The following SLC24A2 variants were observed in gnomAD, a reference collection of about 807,000 sequenced individuals.
SLC24A2 encodes the protein solute carrier family 24 member 2, also known as sodium/potassium/calcium exchanger 2.
In SLC24A2, 36 loss-of-function variants were observed where a neutral mutation model predicts 62.0. The observed-to-expected ratio is 0.58, with a 90% CI of 0.44 to 0.77. SLC24A2 has a LOEUF of 0.77. Ranked by LOEUF, SLC24A2 falls within the 30% of genes least tolerant of loss-of-function variation. The pLI is 0.00. For missense variants in SLC24A2, 846 were observed against 817.9 expected (o/e 1.03, Z -0.42); for synonymous variants, 358 against 294.0 (o/e 1.22, Z -2.23).
At chr9:20,064,796 G>A in the SLC24A2 span, among the ~76,000 whole-genome samples, 2 of 152,082 alleles carry the variant, frequency 1.3e-5, no homozygotes, top group Non-Finnish European at 2.9e-5. Context: ...AGAATAAAAG[G>A]CATACAATAT....
intron 2 of SLC24A2, among the ~76,000 whole-genome samples, chr9:19,770,843 A>G (rs1357833956): frequency 3.9e-5 from 6 of 152,214 alleles, no homozygotes; most frequent in Non-Finnish European, 7.3e-5. Flanking sequence ...CAAATACTTA[A>G]TATTTTTTTA....
chr9:20,080,634 C>A, the SLC24A2 span, among the ~76,000 whole-genome samples: 96 of 151,508 alleles, frequency 6.3e-4, 1 homozygote, highest in African/African-American at 2.1e-3. Context: ...AATGGGATCT[C>A]ATTAAACAAA....
the SLC24A2 span, among the ~76,000 whole-genome samples, chr9:20,159,884 G>T: frequency 6.6e-6 from 1 of 151,426 alleles, no homozygotes; most frequent in African/African-American, 2.4e-5. Context: ...GAAGAAATAA[G>T]CACAGTAGAT....
the SLC24A2 span, among the ~76,000 whole-genome samples, chr9:20,230,434 T>G: frequency 6.6e-6 from 1 of 152,218 alleles, no homozygotes. Flanking sequence ...TTCTGACTGG[T>G]GTGACATGGT....
the SLC24A2 span, among the ~76,000 whole-genome samples, chr9:19,930,704 C>T: frequency 6.6e-6 from 1 of 152,196 alleles, no homozygotes; most frequent in Non-Finnish European, 1.5e-5. Context: ...GGAAGGTTCA[C>T]AGATCCCCTG....
chr9:20,241,812 A>G, the SLC24A2 span, among the ~76,000 whole-genome samples: 1 of 152,102 alleles, frequency 6.6e-6, no homozygotes, highest in Admixed American at 6.5e-5. Flanking sequence ...GAGTTAGCCA[A>G]GCTGAAGGAG....
At chr9:20,161,306 T>C in the SLC24A2 span, among the ~76,000 whole-genome samples, 1 of 151,408 alleles carries the variant, frequency 6.6e-6, no homozygotes. Flanking sequence ...AATAGATCTT[T>C]AAAGACGAGA....
At chr9:19,781,403 T>C (rs561876714) in intron 2 of SLC24A2, among the ~76,000 whole-genome samples, 22 of 152,138 alleles carry the variant, frequency 1.4e-4, no homozygotes, top group African/African-American at 5.3e-4. Context: ...GAGATAATGG[T>C]GACTCCAGTT....
chr9:19,867,272 G>A, the SLC24A2 span, among the ~76,000 whole-genome samples: 1 of 152,050 alleles, frequency 6.6e-6, no homozygotes, highest in Non-Finnish European at 1.5e-5. Context: ...TTTTCTTTAA[G>A]TAGCTTATAG....
At chr9:20,050,564 G>C in the SLC24A2 span, among the ~76,000 whole-genome samples, 3 of 152,170 alleles carry the variant, frequency 2.0e-5, no homozygotes, top group South Asian at 6.2e-4. Context: ...GAGAATCAGT[G>C]TTTAATGCTT....
chr9:19,996,529 C>T, the SLC24A2 span, among the ~76,000 whole-genome samples: 1 of 152,056 alleles, frequency 6.6e-6, no homozygotes, highest in African/African-American at 2.4e-5. Context: ...CACCTGAGGT[C>T]AGGAGTTCAA....
chr9:19,549,353 G>A (rs1387303284), intron 8 of SLC24A2, among the ~76,000 whole-genome samples: 7 of 152,116 alleles, frequency 4.6e-5, no homozygotes, highest in Non-Finnish European at 5.9e-5. Context: ...TGACACTGAC[G>A]TATTCTAGGT....
intron 8 of SLC24A2, among the ~76,000 whole-genome samples, chr9:19,547,076 C>G (rs1055768086): frequency 4.9e-4 from 74 of 152,192 alleles, no homozygotes; most frequent in African/African-American, 1.8e-3. Context: ...ATTTGGCCAT[C>G]TTGCCAGCAA....
chr9:19,766,688 C>A (rs1822525990), intron 2 of SLC24A2, among the ~76,000 whole-genome samples: 1 of 152,216 alleles, frequency 6.6e-6, no homozygotes, highest in Non-Finnish European at 1.5e-5. Context: ...GGGGCACCTG[C>A]CAGATGCCAG....
At chr9:19,605,260 G>A (rs1189983036) in intron 4 of SLC24A2, among the ~76,000 whole-genome samples, 3 of 152,138 alleles carry the variant, frequency 2.0e-5, no homozygotes, top group Non-Finnish European at 4.4e-5. Flanking sequence ...AAATGCTTCT[G>A]TAGATTTTTT....
intron 2 of SLC24A2, among the ~76,000 whole-genome samples, chr9:19,758,236 A>G (rs1316149659): frequency 6.6e-6 from 1 of 152,096 alleles, no homozygotes; most frequent in Non-Finnish European, 1.5e-5. Context: ...TAACCTACCT[A>G]CCAATAGACA....
the SLC24A2 span, among the ~76,000 whole-genome samples, chr9:20,159,060 A>G: frequency 2.0e-5 from 3 of 151,840 alleles, no homozygotes; most frequent in Non-Finnish European, 3.0e-5. Context: ...AACATAAAAC[A>G]AAATATGGCC....
chr9:19,673,079 T>C lies in SLC24A2; in HGVS notation c.931-50780A>G, dbSNP rs146334506. Among the ~76,000 whole-genome samples, 10 of 146,586 alleles carry C rather than the reference T, an allele frequency of 6.8e-5. 1 individual carries two copies. In the East Asian group the frequency reaches 1.9e-3, roughly 28 times the overall value. ...TGTTCCAGGGTATAGTTTAAATCCA[T>C]TGTTTCTTTGTTGACCTTTTGCCTT... is the stretch of plus-strand genomic sequence containing the variant. On this transcript the variant is annotated intron_variant, in intron 2 of 10. Transcript: ENST00000341998.
the SLC24A2 span, among the ~76,000 whole-genome samples, chr9:19,997,783 T>C: frequency 1.3e-5 from 2 of 152,202 alleles, no homozygotes; most frequent in Non-Finnish European, 2.9e-5. Context: ...AGGCAACACA[T>C]TTTATTTGCC....
Sources: gnomAD v4.1 joint callset for allele counts (sites outside exome capture counted in the v4.1 genomes callset) on GRCh38, gnomAD v4.1.1 for gene constraint, MANE v1.5 for transcripts, NCBI Gene and HGNC (gene_info 2026-07-23, HGNC 2026-07-21) for gene names.